ATXN7L1: variants seen among roughly 807,000 people sequenced by gnomAD.
ATXN7L1 encodes the protein ataxin 7 like 1.
Under a neutral mutation model 70.8 loss-of-function variants are expected in ATXN7L1, and 15 were observed. The ratio of observed to expected loss-of-function variants is 0.21; its 90% CI spans 0.14 to 0.33. The LOEUF (loss-of-function observed/expected upper bound fraction) is 0.33, where lower values mean the gene tolerates loss of function less well. Among genes scored for constraint, ATXN7L1 ranks in the 10% least tolerant of loss-of-function variants. ATXN7L1 has a pLI of 1.00. For synonymous variants in ATXN7L1, 440 were observed against 445.1 expected, an observed-to-expected ratio of 0.99 and a Z score of 0.14; for missense variants, 975 against 1,097.1, an observed-to-expected ratio of 0.89 and a Z score of 1.57.
At chr7:105,862,605 A>G (rs1816804745) in intron 2 of ATXN7L1, among the ~76,000 whole-genome samples, 1 of 152,128 alleles carries the variant, frequency 6.6e-6, no homozygotes, top group Non-Finnish European at 1.5e-5. Flanking sequence ...TCTGGGGCCC[A>G]TCGAAGGTCA....
At chr7:105,848,830 C>T (rs1351044461) in intron 2 of ATXN7L1, among the ~76,000 whole-genome samples, 1 of 152,168 alleles carries the variant, frequency 6.6e-6, no homozygotes, top group Non-Finnish European at 1.5e-5. Flanking sequence ...CTCCTCGGCC[C>T]AGTGACTATT....
chr7:105,678,629 T>C (rs1203511499), intron 3 of ATXN7L1, among the ~76,000 whole-genome samples: 1 of 152,156 alleles, frequency 6.6e-6, no homozygotes, highest in East Asian at 1.9e-4. Context: ...ACTGAGTAGA[T>C]AAGTGCACTG....
At chr7:105,698,160 C>T (rs1791985115) in intron 3 of ATXN7L1, among the ~76,000 whole-genome samples, 1 of 152,118 alleles carries the variant, frequency 6.6e-6, no homozygotes, top group Non-Finnish European at 1.5e-5. Context: ...GCAGACTTCC[C>T]AGTCGTGTCC....
chr7:105,608,043 G>A (rs1326295150), intron 11 of ATXN7L1, 153 bp from the exon 12 acceptor site: 8 of 721,388 alleles, frequency 1.1e-5, no homozygotes, highest in Admixed American at 2.3e-5. Flanking sequence ...AATAGCAAGA[G>A]ATGATGGATC....
chr7:105,805,376 G>C (rs1042091969), intron 2 of ATXN7L1, among the ~76,000 whole-genome samples: 1 of 152,218 alleles, frequency 6.6e-6, no homozygotes, highest in Non-Finnish European at 1.5e-5. Context: ...AGTTCAGGGG[G>C]CTGGCAGCTA....
intron 3 of ATXN7L1, among the ~76,000 whole-genome samples, chr7:105,666,873 C>T (rs1457995140): frequency 2.0e-5 from 3 of 152,192 alleles, no homozygotes; most frequent in East Asian, 1.9e-4. Context: ...CCACTCCAAC[C>T]GCATATACAC....
chr7:105,714,615 T>C (rs1794310050), intron 3 of ATXN7L1, among the ~76,000 whole-genome samples: 1 of 152,188 alleles, frequency 6.6e-6, no homozygotes, highest in Non-Finnish European at 1.5e-5. Context: ...AGCTCTCATA[T>C]ACCTCTGGGC....
intron 3 of ATXN7L1, among the ~76,000 whole-genome samples, chr7:105,736,325 C>G (rs906440204): frequency 6.6e-6 from 1 of 152,184 alleles, no homozygotes; most frequent in Non-Finnish European, 1.5e-5. Context: ...TGCTTAATTA[C>G]CTTGCAGCAC....
At chr7:105,617,630 A>AG (rs1794108205) in intron 9 of ATXN7L1, among the ~76,000 whole-genome samples, 1 of 152,184 alleles carries the variant, frequency 6.6e-6, no homozygotes, top group Admixed American at 6.5e-5. Context: ...GTGTTTTTCT[A>AG]GGTGTCAAAT....
At chr7:105,696,251 T>C (rs1033548069) in intron 3 of ATXN7L1, among the ~76,000 whole-genome samples, 6 of 152,224 alleles carry the variant, frequency 3.9e-5, no homozygotes, top group African/African-American at 9.6e-5. Flanking sequence ...GGGAGGTATA[T>C]GTAGTGCTTC....
At chr7:105,751,937 T>C (rs1799264763) in intron 3 of ATXN7L1, among the ~76,000 whole-genome samples, 1 of 152,210 alleles carries the variant, frequency 6.6e-6, no homozygotes, top group Admixed American at 6.5e-5. Flanking sequence ...ACAACCATAA[T>C]CTTGAAAACC....
intron 4 of ATXN7L1, among the ~76,000 whole-genome samples, chr7:105,662,717 T>C (rs1801908765): frequency 6.6e-6 from 1 of 152,232 alleles, no homozygotes; most frequent in African/African-American, 2.4e-5. Context: ...GAATAAATTA[T>C]TTGATCATTT....
At chr7:105,697,314 G>T (rs1282867992) in intron 3 of ATXN7L1, among the ~76,000 whole-genome samples, 1 of 152,062 alleles carries the variant, frequency 6.6e-6, no homozygotes, top group Non-Finnish European at 1.5e-5. Context: ...GTACGCCCCA[G>T]AGGGGCCAGT....
intron 2 of ATXN7L1, among the ~76,000 whole-genome samples, chr7:105,870,414 ATTAGT>A (rs1328785791): frequency 3.3e-5 from 5 of 152,294 alleles, no homozygotes; most frequent in Middle Eastern, 3.4e-3. Context: ...TTCATCACAG[ATTAGT>A]TTAAAATCCT....
chr7:105,747,852 G>A (rs1221324979), intron 3 of ATXN7L1, among the ~76,000 whole-genome samples: 1 of 149,472 alleles, frequency 6.7e-6, no homozygotes. Flanking sequence ...CGGGTGTGGT[G>A]GCTCACACCT....
intron 3 of ATXN7L1, among the ~76,000 whole-genome samples, chr7:105,749,392 G>C (rs1798931681): frequency 6.6e-6 from 1 of 151,900 alleles, no homozygotes; most frequent in African/African-American, 2.4e-5. Flanking sequence ...ATGATTTTAA[G>C]TCTAATTCTA....
chr7:105,837,555 AC>A (rs1812578480), intron 2 of ATXN7L1, among the ~76,000 whole-genome samples: 1 of 152,154 alleles, frequency 6.6e-6, no homozygotes. Context: ...GGACCATGAC[AC>A]TGCCTCCCAT....
At chr7:105,753,503 T>A (rs1386869476) in intron 3 of ATXN7L1, among the ~76,000 whole-genome samples, 1 of 152,200 alleles carries the variant, frequency 6.6e-6, no homozygotes, top group Non-Finnish European at 1.5e-5. Context: ...TTTTGCTTTC[T>A]TTTTCCTATC....
chr7:105,846,506 A>T (rs1814068856), intron 2 of ATXN7L1, among the ~76,000 whole-genome samples: 1 of 152,202 alleles, frequency 6.6e-6, no homozygotes, highest in South Asian at 2.1e-4. Context: ...GAACCCTCAT[A>T]CATTGTTGGT....
Sources: allele counts gnomAD v4.1 joint callset (sites outside exome capture counted in the v4.1 genomes callset), GRCh38; gene constraint gnomAD v4.1.1; transcripts MANE v1.5; gene names NCBI Gene and HGNC (gene_info 2026-07-23, HGNC 2026-07-21).